Variants in SNURF observed in about 807,000 individuals in gnomAD.
SNURF encodes the protein SNURF protein.
Under a neutral mutation model 11.6 loss-of-function variants are expected in SNURF, and 6 were observed. The ratio of observed to expected loss-of-function variants is 0.52; its 90% CI spans 0.28 to 1.02. The LOEUF is 1.02. SNURF is among the 50% of genes least tolerant of loss of function. The pLI is 0.09. For synonymous variants in SNURF, 29 were observed against 31.6 expected, an observed-to-expected ratio of 0.92 and a Z score of 0.27; for missense variants, 84 against 88.4, an observed-to-expected ratio of 0.95 and a Z score of 0.20.
chr15:24,978,266 G>A (rs372752818), downstream of SNURF: 214 of 1,613,914 alleles, frequency 1.3e-4, no homozygotes, highest in Non-Finnish European at 1.6e-4. Context: ...CTCGAGGGAC[G>A]CCAATAGGCA....
chr15:24,961,652 A>T (rs2153475086), intron 1 of SNURF, among the ~76,000 whole-genome samples: 1 of 152,306 alleles, frequency 6.6e-6, no homozygotes, highest in Middle Eastern at 3.4e-3. Context: ...ATGTTTTTTT[A>T]AAGTAGATAT....
chr15:24,959,927 G>T (rs762054402), intron 1 of SNURF, among the ~76,000 whole-genome samples: 1 of 152,166 alleles, frequency 6.6e-6, no homozygotes, highest in Non-Finnish European at 1.5e-5. Flanking sequence ...CTTTTTGGAA[G>T]TATGAGAGTA....
At chr15:24,963,691 A>G (rs941975505) in intron 2 of SNURF, among the ~76,000 whole-genome samples, 1 of 151,676 alleles carries the variant, frequency 6.6e-6, no homozygotes, top group African/African-American at 2.4e-5. Context: ...GTTTTTCCTC[A>G]TAGTAAAAAC....
At chr15:24,957,205 T>C (rs2063078174) in intron 1 of SNURF, among the ~76,000 whole-genome samples, 1 of 152,198 alleles carries the variant, frequency 6.6e-6, no homozygotes, top group Non-Finnish European at 1.5e-5. Context: ...CTGCATACTT[T>C]CCTTAAATGG....
In SNURF at chr15:24,968,143, G is replaced by T; in HGVS notation, c.*106G>T. ...ATCATTAAAGAATGGGGTGTTGGGG[G>T]TTCTCTTAATTATCAGTGACACATT... On this transcript the variant is annotated 3_prime_UTR_variant, in exon 3 of 3. Transcript: ENST00000577949. 8 of 981,578 alleles carry T rather than the reference G, an allele frequency of 8.2e-6. No individual in the cohort carries two copies. In the South Asian group the frequency reaches 1.1e-4, roughly 13 times the overall value. The allele number at this position is 981,578 out of a possible 1,614,324, so 60.8% of individuals were successfully genotyped here. A position where few individuals can be genotyped will look rare whatever the true frequency, so the allele number is the denominator to read the frequency against.
chr15:24,975,882 A>G (rs1047617144), intron 4 of SNURF, among the ~76,000 whole-genome samples: 1 of 152,200 alleles, frequency 6.6e-6, no homozygotes, highest in African/African-American at 2.4e-5. Flanking sequence ...AGGAGTTGGG[A>G]TATGGTTGCC....
At chr15:24,961,084 T>A (rs1030243437) in intron 1 of SNURF, among the ~76,000 whole-genome samples, 4 of 152,260 alleles carry the variant, frequency 2.6e-5, no homozygotes, top group Non-Finnish European at 4.4e-5. Flanking sequence ...TATTTTTTGA[T>A]GAAGTCCACT....
chr15:24,976,983 C>T, exon 6 of SNURF: 2 of 1,604,378 alleles, frequency 1.2e-6, no homozygotes, highest in Non-Finnish European at 1.7e-6. Context: ...CAGGCCCCTG[C>T]TGGATTGGCA....
downstream of SNURF, among the ~76,000 whole-genome samples, chr15:24,971,094 T>G (rs2076344287): frequency 6.6e-6 from 1 of 152,228 alleles, no homozygotes; most frequent in Non-Finnish European, 1.5e-5. Context: ...CCTAGTCATC[T>G]TATTTTACTT....
intron 6 of SNURF, chr15:24,977,762 C>G: frequency 6.3e-7 from 1 of 1,578,324 alleles, no homozygotes; most frequent in Non-Finnish European, 8.6e-7. Flanking sequence ...GACTGTTTCC[C>G]GCCCTGCCTT....
At chr15:24,978,512 T>C (rs977418205), downstream of SNURF, 15 of 1,426,226 alleles carry the variant, frequency 1.1e-5, no homozygotes, top group African/African-American at 2.8e-5. Flanking sequence ...GTAGAGTGTT[T>C]GTGAGCTTTT....
chr15:24,955,769 C>T (rs1187545155), intron 1 of SNURF, among the ~76,000 whole-genome samples: 1 of 149,588 alleles, frequency 6.7e-6, no homozygotes, highest in Non-Finnish European at 1.5e-5. Flanking sequence ...TGGGTATTGG[C>T]GGCGGTGGGC....
downstream of SNURF, among the ~76,000 whole-genome samples, chr15:24,970,543 C>T (rs1424564825): frequency 2.6e-5 from 4 of 152,104 alleles, no homozygotes; most frequent in South Asian, 4.1e-4. Flanking sequence ...TGTGCCACTG[C>T]GCTTCAGCCT....
At chr15:24,959,604 TATTAG>T (rs1403834126) in intron 1 of SNURF, among the ~76,000 whole-genome samples, 6 of 152,244 alleles carry the variant, frequency 3.9e-5, no homozygotes, top group African/African-American at 1.4e-4. Context: ...AGTTGTACAC[TATTAG>T]ATTAATCATG....
downstream of SNURF, among the ~76,000 whole-genome samples, chr15:24,969,637 C>T (rs1250091312): frequency 2.0e-5 from 3 of 150,978 alleles, no homozygotes; most frequent in Admixed American, 6.6e-5. Flanking sequence ...CTTCTCAGTT[C>T]AGTTCACAGA....
At chr15:24,974,651 T>C in intron 3 of SNURF, 1 of 651,046 alleles carries the variant, frequency 1.5e-6, no homozygotes, top group Non-Finnish European at 2.8e-6. Flanking sequence ...GACGGGGTCT[T>C]GCTCTGTCTC....
At chr15:24,966,005 G>C (rs1596268207) in intron 2 of SNURF, among the ~76,000 whole-genome samples, 1 of 151,972 alleles carries the variant, frequency 6.6e-6, no homozygotes, top group Non-Finnish European at 1.5e-5. Flanking sequence ...CTATGAATTA[G>C]AGTATAAAGT....
At chr15:24,958,386 C>CCTT (rs1400673835) in intron 1 of SNURF, among the ~76,000 whole-genome samples, 26 of 124,218 alleles carry the variant, frequency 2.1e-4, no homozygotes, top group Admixed American at 7.5e-4. Context: ...GTCCTGTCTC[C>CCTT]TTTTTTTTTT....
At chr15:24,963,451 C>T (rs2075152118) in intron 2 of SNURF, among the ~76,000 whole-genome samples, 1 of 151,666 alleles carries the variant, frequency 6.6e-6, no homozygotes, top group African/African-American at 2.4e-5. Context: ...CCCGTCTCTC[C>T]TAAAAATACA....
Sources: allele counts gnomAD v4.1 joint callset (sites outside exome capture counted in the v4.1 genomes callset), GRCh38; gene constraint gnomAD v4.1.1; transcripts MANE v1.5; gene names NCBI Gene and HGNC (gene_info 2026-07-23, HGNC 2026-07-21).